The following ADARB2 variants were observed in gnomAD, a reference collection of about 807,000 sequenced individuals.
ADARB2 encodes inactive double-stranded RNA-specific editase B2.
ADARB2 carries 25 observed loss-of-function variants against 62.2 expected under a neutral mutation model. The ratio of observed to expected loss-of-function variants is 0.40; its 90% CI spans 0.29 to 0.56. The LOEUF (loss-of-function observed/expected upper bound fraction) is 0.56. Among genes scored for constraint, ADARB2 ranks in the 20% least tolerant of loss-of-function variants. The pLI, the probability that ADARB2 is intolerant of heterozygous loss-of-function variation, is 0.43. For synonymous variants in ADARB2, 572 were observed against 500.8 expected (o/e 1.14, Z -1.90); for missense variants, 1,071 against 1,077.4 (o/e 0.99, Z 0.08).
At chr10:1,225,521 AT>A (rs1830737161) in intron 6 of ADARB2, among the ~76,000 whole-genome samples, 1 of 152,138 alleles carries the variant, frequency 6.6e-6, no homozygotes, top group Admixed American at 6.6e-5. Context: ...GGTGTTTACA[AT>A]TTGGCATGTT....
intron 3 of ADARB2, among the ~76,000 whole-genome samples, chr10:1,307,751 TG>T: frequency 1.2e-5 from 1 of 85,448 alleles, no homozygotes. Context: ...TATGCAGCCA[TG>T]AAAAATGACG....
intron 1 of ADARB2, among the ~76,000 whole-genome samples, chr10:1,480,939 C>G (rs529426746): frequency 8.9e-4 from 135 of 152,210 alleles, no homozygotes; most frequent in Admixed American, 1.8e-3. Flanking sequence ...ATCCCAAGGA[C>G]TTTTTTTCAG....
At chr10:1,563,249 T>G (rs1464885046) in intron 1 of ADARB2, among the ~76,000 whole-genome samples, 2 of 150,618 alleles carry the variant, frequency 1.3e-5, no homozygotes, top group Non-Finnish European at 3.0e-5. Context: ...TCCCGCTCCC[T>G]TTAGAGCTGT....
At chr10:1,565,323 C>T (rs1457865745) in intron 1 of ADARB2, among the ~76,000 whole-genome samples, 17 of 152,146 alleles carry the variant, frequency 1.1e-4, no homozygotes, top group Admixed American at 1.0e-3. Flanking sequence ...AAAATCATTG[C>T]CTGCAACACA....
rs186903191 is a variant in ADARB2 at position 1,550,555 on chromosome 10, C to T, written c.101-171395G>A. Among the ~76,000 whole-genome samples, 15 of 152,328 alleles carry T rather than the reference C, an allele frequency of 9.8e-5. No homozygotes were observed. The East Asian group carries it at 1.5e-3, about 16-fold the overall frequency. On this transcript the variant is annotated intron_variant, in intron 1 of 9. Transcript: ENST00000381312. ...ATGGCCCACATGGCCCAATTTACCA[C>T]GATTTACTGGAGATATAAATGGCAT...
intron 1 of ADARB2, among the ~76,000 whole-genome samples, chr10:1,523,479 T>G (rs879357236): frequency 2.6e-5 from 4 of 152,142 alleles, no homozygotes; most frequent in Non-Finnish European, 5.9e-5. Context: ...CCCCCTCACA[T>G]TAGATTTGCT....
At chr10:1,266,767 C>T (rs1047377214) in intron 4 of ADARB2, among the ~76,000 whole-genome samples, 1 of 152,166 alleles carries the variant, frequency 6.6e-6, no homozygotes, top group Non-Finnish European at 1.5e-5. Flanking sequence ...CTGGAGGACA[C>T]GGGCCAGGGC....
At chr10:1,391,611 A>G (rs975332134) in intron 1 of ADARB2, among the ~76,000 whole-genome samples, 11 of 152,260 alleles carry the variant, frequency 7.2e-5, no homozygotes, top group African/African-American at 1.9e-4. Flanking sequence ...TTATCAAACA[A>G]TTTTTAGCAA....
At chr10:1,591,702 C>A (rs1833258647) in intron 1 of ADARB2, among the ~76,000 whole-genome samples, 1 of 152,074 alleles carries the variant, frequency 6.6e-6, no homozygotes, top group African/African-American at 2.4e-5. Context: ...AGGACCCCCC[C>A]ACCTGCCGCC....
At chr10:1,203,140 T>C (rs751013899) in intron 7 of ADARB2, among the ~76,000 whole-genome samples, 4 of 152,188 alleles carry the variant, frequency 2.6e-5, no homozygotes, top group Non-Finnish European at 4.4e-5. Flanking sequence ...ACTGCAATGT[T>C]GACAGAAAAA....
chr10:1,443,096 A>T (rs2131896587), intron 1 of ADARB2, among the ~76,000 whole-genome samples: 1 of 152,324 alleles, frequency 6.6e-6, no homozygotes, highest in Non-Finnish European at 1.5e-5. Context: ...CAAACAAACA[A>T]ACAAACAAAC....
chr10:1,630,197 A>G (rs1370649196), intron 1 of ADARB2, among the ~76,000 whole-genome samples: 1 of 152,230 alleles, frequency 6.6e-6, no homozygotes, highest in Non-Finnish European at 1.5e-5. Flanking sequence ...TGAAGGGTCC[A>G]CTGTGGCCAG....
chr10:1,390,112 A>G (rs1315971549), intron 1 of ADARB2, among the ~76,000 whole-genome samples: 1 of 152,266 alleles, frequency 6.6e-6, no homozygotes, highest in African/African-American at 2.4e-5. Context: ...ATTACTCTTC[A>G]GTAAAACAAA....
At chr10:1,722,925 T>C (rs1183102521) in intron 1 of ADARB2, among the ~76,000 whole-genome samples, 2 of 152,206 alleles carry the variant, frequency 1.3e-5, no homozygotes, top group African/African-American at 2.4e-5. Flanking sequence ...TTACCCATAT[T>C]CATATACATG....
chr10:1,560,117 C>G (rs1266788099), intron 1 of ADARB2, among the ~76,000 whole-genome samples: 1 of 152,216 alleles, frequency 6.6e-6, no homozygotes, highest in Non-Finnish European at 1.5e-5. Context: ...GATTCCCAGA[C>G]TAGTCGGCTC....
chr10:1,320,185 C>T (rs970995274), intron 3 of ADARB2, among the ~76,000 whole-genome samples: 1 of 152,186 alleles, frequency 6.6e-6, no homozygotes, highest in Non-Finnish European at 1.5e-5. Context: ...AAGTTGAGTC[C>T]CTCCCATGAG....
intron 7 of ADARB2, among the ~76,000 whole-genome samples, chr10:1,205,648 C>T (rs1837045305): frequency 6.6e-6 from 1 of 152,396 alleles, no homozygotes; most frequent in Middle Eastern, 3.4e-3. Context: ...CATGGGAGGA[C>T]GCGGCACAGG....
At chr10:1,419,583 C>T (rs72762978) in intron 1 of ADARB2, among the ~76,000 whole-genome samples, 20,442 of 152,128 alleles carry the variant, frequency 0.13, 2,173 homozygotes, top group East Asian at 0.5. Context: ...CCCAGAGGGA[C>T]GGTAAGCCCA....
chr10:1,406,945 C>G (rs7087129), intron 1 of ADARB2, among the ~76,000 whole-genome samples: 42,864 of 152,126 alleles, frequency 0.28, 6,775 homozygotes, highest in Non-Finnish European at 0.35. Context: ...CCATCCCCAT[C>G]CTCCCCAGAA....
Sources: gnomAD v4.1 joint callset for allele counts (sites outside exome capture counted in the v4.1 genomes callset) on GRCh38, gnomAD v4.1.1 for gene constraint, MANE v1.5 for transcripts, NCBI Gene and HGNC (gene_info 2026-07-23, HGNC 2026-07-21) for gene names.